Variants in DENND1A observed in about 807,000 individuals in gnomAD.
The protein encoded by DENND1A is DENN domain containing 1A.
In DENND1A, 51 loss-of-function variants were observed where a neutral mutation model predicts 113.7. That is an observed-to-expected ratio of 0.45 (90% confidence interval 0.36 to 0.57). DENND1A has a LOEUF of 0.57. Ranked by LOEUF, DENND1A falls within the 20% of genes least tolerant of loss-of-function variation. The pLI is 0.00. For missense variants in DENND1A, 1,258 were observed against 1,395.9 expected, an observed-to-expected ratio of 0.90 and a Z score of 1.57; for synonymous variants, 565 against 570.8, an observed-to-expected ratio of 0.99 and a Z score of 0.14.
rs573963657 is a variant in DENND1A at position 123,468,612 on chromosome 9, T to C, written c.994-10715A>G. ...TCCCAGAGCTGGGAGGAGAACGCTGTGCTGGTCTGACGGCTTCTTCTTACA... is the reference window on the plus strand; with the variant it reads ...TCCCAGAGCTGGGAGGAGAACGCTGCGCTGGTCTGACGGCTTCTTCTTACA... On this transcript the variant is annotated intron_variant, in intron 13 of 23. Coordinates refer to ENST00000394215, the MANE Select transcript of DENND1A (RefSeq NM_001352964.2). Among the ~76,000 whole-genome samples the C allele has an allele frequency of 6.6e-5, 10 of 152,312 alleles. No homozygotes were observed. The South Asian group carries it at 2.1e-3, about 32-fold the overall frequency.
chr9:123,495,141 T>TCTCTCTCTCTC (rs2051763656), intron 13 of DENND1A, among the ~76,000 whole-genome samples: 30 of 140,640 alleles, frequency 2.1e-4, no homozygotes, highest in African/African-American at 5.9e-4. Context: ...CATTGTCTCT[T>TCTCTCTCTCTC]TCTCTCTCTC....
chr9:123,524,045 A>G (rs1036326118), intron 13 of DENND1A, among the ~76,000 whole-genome samples: 1 of 152,198 alleles, frequency 6.6e-6, no homozygotes, highest in African/African-American at 2.4e-5. Flanking sequence ...AAAAAGAGTG[A>G]AGAATCTGCT....
At chr9:123,687,865 T>C (rs1485044923) in intron 5 of DENND1A, among the ~76,000 whole-genome samples, 2 of 152,182 alleles carry the variant, frequency 1.3e-5, no homozygotes, top group East Asian at 3.8e-4. Flanking sequence ...GCAGCAGACC[T>C]GGGTCAGGCT....
intron 19 of DENND1A, among the ~76,000 whole-genome samples, chr9:123,436,248 C>T (rs2046508169): frequency 6.6e-6 from 1 of 152,238 alleles, no homozygotes; most frequent in Admixed American, 6.5e-5. Flanking sequence ...GCTCCATCAC[C>T]CCTTCCAGCT....
At chr9:123,609,512 T>C (rs200034198) in intron 10 of DENND1A, 31 bp from the exon 11 acceptor site, 1 of 1,607,074 alleles carries the variant, frequency 6.2e-7, no homozygotes, top group East Asian at 2.2e-5. Context: ...ACACAGCTGC[T>C]TTAATGTCTG....
intron 2 of DENND1A, among the ~76,000 whole-genome samples, chr9:123,830,477 ATG>A (rs1252162914): frequency 6.6e-6 from 1 of 152,134 alleles, no homozygotes; most frequent in Middle Eastern, 3.2e-3. Context: ...ATTTTACTAT[ATG>A]TGAGTTATAA....
chr9:123,834,136 A>G (rs750062147), intron 2 of DENND1A, among the ~76,000 whole-genome samples: 1 of 152,264 alleles, frequency 6.6e-6, no homozygotes, highest in Admixed American at 6.5e-5. Context: ...TGATTTTTAA[A>G]TCCTTGATAC....
intron 3 of DENND1A, among the ~76,000 whole-genome samples, chr9:123,783,917 G>A (rs950167877): frequency 3.3e-5 from 5 of 152,196 alleles, no homozygotes; most frequent in South Asian, 2.1e-4. Context: ...CGACATAGGC[G>A]TGGATCCTCC....
In DENND1A at chr9:123,579,801, T is replaced by C. The variant is rs148550932; in HGVS notation, c.867+3368A>G. 1.6e-4 allele frequency among the ~76,000 whole-genome samples: 24 copies of C among 152,328 alleles called. No individual in the cohort carries two copies. The East Asian group carries it at 4.2e-3, about 27-fold the overall frequency. On this transcript the variant is annotated intron_variant, in intron 12 of 23. Transcript: ENST00000394215. The stretch of plus-strand genomic sequence containing the variant: ...CGATTTCTCCTCTTGATAGCTCATG[T>C]AGCATCACAGAATCAAAGCTGTGAA...
intron 5 of DENND1A, among the ~76,000 whole-genome samples, chr9:123,717,071 C>A (rs2067021005): frequency 6.6e-6 from 1 of 152,180 alleles, no homozygotes; most frequent in Non-Finnish European, 1.5e-5. Context: ...CATAGTCACA[C>A]CGCGCCTAGG....
rs1204786175 is a variant in DENND1A at position 123,616,581 on chromosome 9, A to G, written c.720-7100T>C. Among the ~76,000 whole-genome samples, 3 of 152,324 alleles carry G rather than the reference A, an allele frequency of 2.0e-5. No homozygotes were observed. In the East Asian group the frequency reaches 5.8e-4, roughly 29 times the overall value. On this transcript the variant is annotated intron_variant, in intron 10 of 23. Transcript: ENST00000394215. ...AAATAGGAGCTAAGGGGAAAAAAAA[A>G]GGAAGCTGTGGCAAGGTTAGTGTTT...
At chr9:123,433,019 CA>C (rs2046250261) in intron 19 of DENND1A, among the ~76,000 whole-genome samples, 1 of 152,224 alleles carries the variant, frequency 6.6e-6, no homozygotes, top group Non-Finnish European at 1.5e-5. Context: ...ACTGGGAAGA[CA>C]GGGTTGGGTA....
intron 21 of DENND1A, 89 bp from the exon 22 acceptor site, chr9:123,387,947 C>A: frequency 8.2e-7 from 1 of 1,224,728 alleles, no homozygotes; most frequent in Non-Finnish European, 1.1e-6. Context: ...GGCCTCTGGG[C>A]TCCACGCCTG....
intron 1 of DENND1A, among the ~76,000 whole-genome samples, chr9:123,892,168 G>C (rs1220295672): frequency 6.6e-6 from 1 of 152,164 alleles, no homozygotes; most frequent in East Asian, 1.9e-4. Context: ...CCTGCACAAA[G>C]AACCAGCAAA....
At chr9:123,830,833 T>A (rs1840066795) in intron 2 of DENND1A, among the ~76,000 whole-genome samples, 1 of 114,516 alleles carries the variant, frequency 8.7e-6, no homozygotes, top group Non-Finnish European at 1.6e-5. Flanking sequence ...CCCACTGCAC[T>A]CCAGCCTGGG....
intron 10 of DENND1A, among the ~76,000 whole-genome samples, chr9:123,616,311 T>G (rs891949661): frequency 2.0e-5 from 3 of 152,270 alleles, no homozygotes; most frequent in Non-Finnish European, 4.4e-5. Context: ...CAAATCCTTC[T>G]ACTTCCAAGT....
At chr9:123,811,774 A>G (rs1836658298) in intron 2 of DENND1A, among the ~76,000 whole-genome samples, 1 of 152,192 alleles carries the variant, frequency 6.6e-6, no homozygotes, top group South Asian at 2.1e-4. Flanking sequence ...TAAAAATAAA[A>G]AAGGTTTGTG....
chr9:123,492,717 CG>C (rs1478930340), intron 13 of DENND1A: 14 of 152,130 alleles, frequency 9.2e-5, no homozygotes, highest in Admixed American at 9.2e-4. Context: ...AAAGACAGTG[CG>C]ACATGTGATA....
rs779343193 is a variant in DENND1A, at chr9:123,440,432, C to T, written c.1416G>A (p.Pro472=). Residue 472 remains proline, a synonymous_variant, in exon 19 of 24, where the codon CCG becomes CCA. Coordinates refer to ENST00000394215, the MANE Select transcript of DENND1A (RefSeq NM_001352964.2). ...GGTCCTTGGCCTCCACCAGTGGGGA[C>T]GGTGCAGTCTTTGGCAGCTGCTCTT... ...TPEEQLPKTA[P]SPLVEAKDPK... 1.7e-5 allele frequency: 27 copies of T among 1,581,550 alleles called. No homozygotes were observed. Among genetic ancestry groups the T allele is most frequent in the South Asian group, 1.6e-4 (14 of 86,368 alleles).
Sources: allele counts gnomAD v4.1 joint callset (sites outside exome capture counted in the v4.1 genomes callset), GRCh38; gene constraint gnomAD v4.1.1; transcripts MANE v1.5; gene names NCBI Gene and HGNC (gene_info 2026-07-23, HGNC 2026-07-21).